The following CNTNAP2 variants were observed in gnomAD, a reference collection of about 807,000 sequenced individuals.
The protein encoded by CNTNAP2 is contactin-associated protein-like 2.
CNTNAP2 carries 98 observed loss-of-function variants against 155.2 expected under a neutral mutation model. The observed-to-expected ratio is 0.63, with a 90% CI of 0.54 to 0.75. The LOEUF (loss-of-function observed/expected upper bound fraction) is 0.75, where lower values mean the gene tolerates loss of function less well. Among genes scored for constraint, CNTNAP2 ranks in the 30% least tolerant of loss-of-function variants. The probability of loss-of-function intolerance (pLI) is 0.00; values close to 1 mark genes in which losing one functional copy is unlikely to be tolerated. For synonymous variants in CNTNAP2, 651 were observed against 631.2 expected (o/e 1.03, Z -0.47); for missense variants, 1,727 against 1,688.1 (o/e 1.02, Z -0.40).
In CNTNAP2 at chr7:148,220,856, T is replaced by C. The variant is rs547396459; in HGVS notation, c.3247+3332T>C. 2.0e-5 allele frequency among the ~76,000 whole-genome samples: 3 copies of C among 152,274 alleles called. No individual in the cohort carries two copies. In the South Asian group the frequency reaches 6.2e-4, roughly 32 times the overall value. On this transcript the variant is annotated intron_variant, in intron 19 of 23. Transcript: ENST00000361727. Reference sequence around the variant, plus strand: ...TCTCCTGGATCAGGGTCAATAGGTTTTTTTGACCCACTGATGTTCACTACC... The same window carrying C: ...TCTCCTGGATCAGGGTCAATAGGTTCTTTTGACCCACTGATGTTCACTACC...
intron 3 of CNTNAP2, among the ~76,000 whole-genome samples, chr7:146,981,087 T>G (rs1798007720): frequency 6.6e-6 from 1 of 152,120 alleles, no homozygotes; most frequent in Admixed American, 6.6e-5. Flanking sequence ...AGATTTATAT[T>G]ATGGAAGGAG....
chr7:147,009,418 A>G (rs1409738785), intron 3 of CNTNAP2, among the ~76,000 whole-genome samples: 3 of 152,190 alleles, frequency 2.0e-5, no homozygotes, highest in Non-Finnish European at 2.9e-5. Flanking sequence ...CAGTTTGACA[A>G]CCGACAGTTT....
At chr7:146,715,851 C>T (rs1313045142) in intron 1 of CNTNAP2, among the ~76,000 whole-genome samples, 1 of 152,104 alleles carries the variant, frequency 6.6e-6, no homozygotes, top group Non-Finnish European at 1.5e-5. Context: ...TTTGGGCAGT[C>T]TATGTCATGT....
At chr7:147,294,667 T>G (rs890516607) in intron 8 of CNTNAP2, among the ~76,000 whole-genome samples, 4 of 152,230 alleles carry the variant, frequency 2.6e-5, no homozygotes, top group African/African-American at 7.2e-5. Flanking sequence ...CAATTTTTTT[T>G]TTTGTTTTGA....
At chr7:148,174,139 CATTT>C (rs1794886009) in intron 18 of CNTNAP2, among the ~76,000 whole-genome samples, 1 of 152,320 alleles carries the variant, frequency 6.6e-6, no homozygotes, top group Non-Finnish European at 1.5e-5. Context: ...AATGAGTTTT[CATTT>C]GATTCAATTA....
chr7:148,051,859 G>T (rs747528169), intron 15 of CNTNAP2, among the ~76,000 whole-genome samples: 2 of 152,006 alleles, frequency 1.3e-5, no homozygotes, highest in Non-Finnish European at 2.9e-5. Flanking sequence ...AGCCCTTGTG[G>T]CTGGGCACAG....
At chr7:146,928,072 G>A (rs1485929045) in intron 3 of CNTNAP2, among the ~76,000 whole-genome samples, 4 of 151,618 alleles carry the variant, frequency 2.6e-5, no homozygotes, top group South Asian at 2.1e-4. Context: ...TTCACTGCCT[G>A]GGCTGGCTAC....
At chr7:146,612,934 T>G (rs1194311288) in intron 1 of CNTNAP2, among the ~76,000 whole-genome samples, 1 of 30,022 alleles carries the variant, frequency 3.3e-5, no homozygotes, top group African/African-American at 1.9e-4. Flanking sequence ...CATCTGTCTT[T>G]TTTTTTTTTT....
At chr7:147,620,008 G>A (rs992606557) in intron 12 of CNTNAP2, among the ~76,000 whole-genome samples, 38 of 152,208 alleles carry the variant, frequency 2.5e-4, no homozygotes, top group Non-Finnish European at 2.8e-4. Context: ...TGTGTGGGAG[G>A]AAGAAGAAAG....
At chr7:147,816,564 A>G (rs553133140) in intron 13 of CNTNAP2, among the ~76,000 whole-genome samples, 1 of 152,298 alleles carries the variant, frequency 6.6e-6, no homozygotes, top group African/African-American at 2.4e-5. Context: ...GTTAGCCTAC[A>G]GTTCGGTTTC....
At chr7:147,537,052 C>G (rs1799554169) in intron 11 of CNTNAP2, among the ~76,000 whole-genome samples, 2 of 152,120 alleles carry the variant, frequency 1.3e-5, no homozygotes, top group African/African-American at 4.8e-5. Flanking sequence ...CATTCAACAC[C>G]CAGACCACAG....
chr7:146,614,760 T>A (rs10234219), intron 1 of CNTNAP2, among the ~76,000 whole-genome samples: 73,539 of 151,984 alleles, frequency 0.48, 18,653 homozygotes, highest in Non-Finnish European at 0.57. Flanking sequence ...ACTGTAACAA[T>A]TTTGAAGTTA....
At position 147,000,904 on chromosome 7, in the gene CNTNAP2, C is replaced by T. The variant is rs187166336; in HGVS notation, c.403-43003C>T. Among the ~76,000 whole-genome samples the T allele has an allele frequency of 3.4e-4, 51 of 152,162 alleles. No homozygotes were observed. The South Asian group carries it at 0.01, about 30-fold the overall frequency. On this transcript the variant is annotated intron_variant, in intron 3 of 23. Transcript: ENST00000361727. ...TAGAATTTGAGTCATTCTTGCAGGG[C>T]CTGGGGGTTCCTATCTTGCACTATG...
intron 18 of CNTNAP2, among the ~76,000 whole-genome samples, chr7:148,173,761 A>G (rs1290121086): frequency 2.0e-5 from 3 of 152,238 alleles, no homozygotes; most frequent in Non-Finnish European, 2.9e-5. Flanking sequence ...GCACTTGTAG[A>G]AATGACAGTC....
At chr7:146,928,094 C>A (rs1246707257) in intron 3 of CNTNAP2, among the ~76,000 whole-genome samples, 1 of 151,876 alleles carries the variant, frequency 6.6e-6, no homozygotes, top group East Asian at 1.9e-4. Context: ...CCTGGTATTT[C>A]TCTTTGTCAT....
chr7:146,983,879 T>C (rs537933674), intron 3 of CNTNAP2, among the ~76,000 whole-genome samples: 1 of 152,330 alleles, frequency 6.6e-6, no homozygotes, highest in South Asian at 2.1e-4. Flanking sequence ...AGAATATTTG[T>C]CTCTGAAATG....
intron 1 of CNTNAP2, among the ~76,000 whole-genome samples, chr7:146,262,021 CT>C (rs1311617038): frequency 6.6e-6 from 1 of 152,078 alleles, no homozygotes; most frequent in Non-Finnish European, 1.5e-5. Context: ...GTTGCTGTTT[CT>C]TTTATTGTTC....
At chr7:146,275,252 T>A (rs972508198) in intron 1 of CNTNAP2, among the ~76,000 whole-genome samples, 1 of 152,166 alleles carries the variant, frequency 6.6e-6, no homozygotes, top group African/African-American at 2.4e-5. Flanking sequence ...TTATTGTTTA[T>A]AATATTTATT....
chr7:147,488,758 GGTCACT>G (rs1289758011), intron 11 of CNTNAP2, among the ~76,000 whole-genome samples: 1 of 151,958 alleles, frequency 6.6e-6, no homozygotes, highest in Non-Finnish European at 1.5e-5. Flanking sequence ...CTTTTTGCTT[GGTCACT>G]CTGCCTTGTG....
Sources: gnomAD v4.1 joint callset for allele counts (sites outside exome capture counted in the v4.1 genomes callset) on GRCh38, gnomAD v4.1.1 for gene constraint, MANE v1.5 for transcripts, NCBI Gene and HGNC (gene_info 2026-07-23, HGNC 2026-07-21) for gene names.